Variants in HMGCLL1 observed in about 807,000 individuals in gnomAD.
HMGCLL1 encodes the protein 3-hydroxymethyl-3-methylglutaryl-CoA lyase, cytoplasmic.
HMGCLL1 carries 36 observed loss-of-function variants against 39.1 expected under a neutral mutation model. The ratio of observed to expected loss-of-function variants is 0.92; its 90% CI spans 0.71 to 1.22. HMGCLL1 has a LOEUF of 1.22. Among genes scored for constraint, HMGCLL1 ranks in the 50% most tolerant of loss-of-function variants. The pLI is 0.00. For missense variants in HMGCLL1, 451 were observed against 416.5 expected (o/e 1.08, Z -0.72); for synonymous variants, 149 against 144.0 (o/e 1.03, Z -0.25).
chr6:55,580,406 C>CT (rs145371462), upstream of HMGCLL1, among the ~76,000 whole-genome samples: 17,344 of 72,982 alleles, frequency 0.24, 4,626 homozygotes, highest in Non-Finnish European at 0.32. Context: ...TTTTTTCTTT[C>CT]TTTTTTTTTT....
chr6:55,558,496 A>G (rs1770783825), intron 1 of HMGCLL1, among the ~76,000 whole-genome samples: 1 of 152,160 alleles, frequency 6.6e-6, no homozygotes, highest in African/African-American at 2.4e-5. Context: ...TTTACTCTGA[A>G]AGAATACAGA....
At chr6:55,650,956 AGG>A in the HMGCLL1 span, among the ~76,000 whole-genome samples, 1 of 152,060 alleles carries the variant, frequency 6.6e-6, no homozygotes, top group Admixed American at 6.6e-5. Flanking sequence ...CAACTGGCCC[AGG>A]GTAGGCCCAG....
At chr6:55,656,916 G>C in the HMGCLL1 span, among the ~76,000 whole-genome samples, 1 of 151,868 alleles carries the variant, frequency 6.6e-6, no homozygotes, top group African/African-American at 2.4e-5. Flanking sequence ...CTTTGACACT[G>C]TATTACTTGT....
chr6:55,667,182 C>A, the HMGCLL1 span, among the ~76,000 whole-genome samples: 33 of 151,682 alleles, frequency 2.2e-4, no homozygotes, highest in Non-Finnish European at 2.9e-5. Flanking sequence ...ATTTATGAAT[C>A]ACTTGCAAAG....
chr6:55,642,832 C>T, the HMGCLL1 span, among the ~76,000 whole-genome samples: 1 of 151,960 alleles, frequency 6.6e-6, no homozygotes, highest in Non-Finnish European at 1.5e-5. Context: ...TATTGTTCCC[C>T]TCTTTGTGTT....
the HMGCLL1 span, among the ~76,000 whole-genome samples, chr6:55,675,687 G>A: frequency 3.0e-4 from 45 of 152,034 alleles, no homozygotes; most frequent in Non-Finnish European, 5.1e-4. Context: ...TCTGTCATGC[G>A]CTACTCTTTG....
At chr6:55,654,378 ACT>A in the HMGCLL1 span, among the ~76,000 whole-genome samples, 1 of 151,322 alleles carries the variant, frequency 6.6e-6, no homozygotes, top group South Asian at 2.1e-4. Context: ...TCTGTTATTG[ACT>A]CAATAAGGAC....
At position 55,477,387 on chromosome 6, in the gene HMGCLL1, A is replaced by AAATATAATATATATTAT. The variant is rs1561905241; in HGVS notation, c.795+18015_795+18031dup. Among the ~76,000 whole-genome samples the AAATATAATATATATTAT allele has an allele frequency of 8.7e-4, 16 of 18,394 alleles. 2 individuals are homozygous for AAATATAATATATATTAT. The highest frequency in any genetic ancestry group is 8.2e-3 in the African/African-American group (16 of 1,944). The allele number at this position is 18,394 out of a possible 152,430, so 12.1% of individuals were successfully genotyped here. ...TATATTAATATAATATATATTATCT[A>AAATATAATATATATTAT]AATATAATATATATTATCTAAATAT... On this transcript the variant is annotated intron_variant, in intron 7 of 8. Coordinates refer to ENST00000274901, the MANE Select transcript of HMGCLL1 (RefSeq NM_001042406.2).
intron 3 of HMGCLL1, among the ~76,000 whole-genome samples, chr6:55,524,192 G>C (rs1032763508): frequency 1.3e-5 from 2 of 151,650 alleles, no homozygotes; most frequent in African/African-American, 2.4e-5. Context: ...TGAATTATCT[G>C]TCTACACTCT....
chr6:55,539,458 G>A (rs143154931), intron 3 of HMGCLL1, among the ~76,000 whole-genome samples: 87 of 152,152 alleles, frequency 5.7e-4, no homozygotes, highest in African/African-American at 2.0e-3. Context: ...ATAAATGATA[G>A]TCTGGATAAA....
intron 7 of HMGCLL1, among the ~76,000 whole-genome samples, chr6:55,463,518 T>A (rs1764674433): frequency 6.6e-6 from 1 of 152,210 alleles, no homozygotes; most frequent in South Asian, 2.1e-4. Flanking sequence ...AAAGTTATTC[T>A]AAAATATACA....
In HMGCLL1 at chr6:55,435,663, CA is replaced by C; in HGVS notation, c.1021del (p.Ter341AspfsTer10). 1 of 1,566,926 alleles carries C rather than the reference CA, an allele frequency of 6.4e-7. No homozygotes were observed. The highest frequency in any genetic ancestry group is 1.1e-5 in the South Asian group (1 of 87,752). On this transcript the variant is annotated frameshift_variant and stop_lost, in exon 9 of 9. Coordinates refer to ENST00000274901, the MANE Select transcript of HMGCLL1 (RefSeq NM_001042406.2). LOFTEE classifies it high-confidence loss of function. ...CGGTACGTCATAAATCCATTCAAGT[CA>C]AGCATTGAAGGAGGCTTGTGCTACT... ...SKVAQASFNA* is the reference protein window; with the variant it reads ...SKVAQASFNAX
At chr6:55,543,478 A>T (rs868426537) in intron 1 of HMGCLL1, among the ~76,000 whole-genome samples, 3 of 5,838 alleles carry the variant, frequency 5.1e-4, no homozygotes, top group Non-Finnish European at 2.5e-3. Context: ...ATCATATATA[A>T]TATATATATG....
chr6:55,643,680 G>A, the HMGCLL1 span, among the ~76,000 whole-genome samples: 1 of 151,768 alleles, frequency 6.6e-6, no homozygotes, highest in East Asian at 1.9e-4. Context: ...TTTATTTTTA[G>A]ATCCCCCAAA....
chr6:55,657,930 G>A, the HMGCLL1 span, among the ~76,000 whole-genome samples: 2 of 151,752 alleles, frequency 1.3e-5, no homozygotes, highest in African/African-American at 4.8e-5. Flanking sequence ...GAAGGAGGGG[G>A]GAGGATCAGG....
chr6:55,547,280 G>C (rs1034374389), intron 1 of HMGCLL1, among the ~76,000 whole-genome samples: 1 of 151,972 alleles, frequency 6.6e-6, no homozygotes. Context: ...ATATTTTGAT[G>C]GGGATTTCTC....
upstream of HMGCLL1, among the ~76,000 whole-genome samples, chr6:55,583,454 T>A (rs1319199416): frequency 6.6e-6 from 1 of 152,108 alleles, no homozygotes; most frequent in Non-Finnish European, 1.5e-5. Context: ...TGTTTGGTTT[T>A]TTGTCCTTGC....
chr6:55,545,664 A>T (rs534963287), intron 1 of HMGCLL1, among the ~76,000 whole-genome samples: 3 of 152,258 alleles, frequency 2.0e-5, no homozygotes, highest in South Asian at 4.1e-4. Context: ...TGTACTGGGG[A>T]ATATCTGGGG....
intron 5 of HMGCLL1, 113 bp from the exon 6 acceptor site, chr6:55,499,412 A>G (rs781498816): frequency 1.3e-5 from 9 of 709,170 alleles, no homozygotes; most frequent in South Asian, 2.8e-5. Context: ...TTGCACTATT[A>G]CTTTATTATT....
Sources: allele counts gnomAD v4.1 joint callset (sites outside exome capture counted in the v4.1 genomes callset), GRCh38; gene constraint gnomAD v4.1.1; transcripts MANE v1.5; gene names NCBI Gene and HGNC (gene_info 2026-07-23, HGNC 2026-07-21).